The following LMNA variants were observed in gnomAD, a reference collection of about 807,000 sequenced individuals.
LMNA encodes lamin A/C.
In LMNA, 20 loss-of-function variants were observed where a neutral mutation model predicts 70.4. That is an observed-to-expected ratio of 0.28 (90% confidence interval 0.20 to 0.41). The LOEUF (loss-of-function observed/expected upper bound fraction) is 0.41, where lower values mean the gene tolerates loss of function less well. Ranked by LOEUF, LMNA falls within the 10% of genes least tolerant of loss-of-function variation. LMNA has a pLI of 1.00. For synonymous variants in LMNA, 339 were observed against 372.8 expected (o/e 0.91, Z 1.04); for missense variants, 652 against 917.2 (o/e 0.71, Z 3.73).
At chr1:156,117,059 G>T in intron 1 of LMNA, among the ~76,000 whole-genome samples, 1 of 145,208 alleles carries the variant, frequency 6.9e-6, no homozygotes, top group African/African-American at 2.6e-5. Flanking sequence ...GATTATAAGT[G>T]TGTGCCACCA....
Position 156,138,578 on chromosome 1 carries a change from A to G in LMNA, c.1789A>G (p.Lys597Glu). Residue 597 changes from lysine to glutamate, a missense_variant, in exon 11 of 12, where the codon AAG (lysine) becomes GAG (glutamate). By Grantham distance (56) the Lys-to-Glu change is moderately conservative. This residue lies in a region of LMNA where 327 missense variants were observed against 387.6 expected (regional missense o/e 0.84). Transcript: ENST00000368300. This position sits in a 1 kb window ranked among gnomAD's most constrained non-coding sequence, Gnocchi z 5.5. ...LCGTCGQPADKASASGSGAQV... is the reference protein window; with the variant it reads ...LCGTCGQPADEASASGSGAQV... ...CGGGACCTGCGGGCAGCCTGCCGACAAGGCATCTGCCAGCGGCTCAGGAGC... is the reference window on the plus strand; with the variant it reads ...CGGGACCTGCGGGCAGCCTGCCGACGAGGCATCTGCCAGCGGCTCAGGAGC... 1.2e-6 allele frequency: 2 copies of G among 1,612,860 alleles called. No homozygotes were observed. Among genetic ancestry groups the G allele is most frequent in the Non-Finnish European group, 8.5e-7 (1 of 1,179,858 alleles).
chr1:156,134,656 G>A lies in LMNA; in HGVS notation c.639+128G>A, dbSNP rs1475098393. 5 of 1,534,826 alleles carry A rather than the reference G, an allele frequency of 3.3e-6. No individual in the cohort carries two copies. The highest frequency in any genetic ancestry group is 4.5e-6 in the Non-Finnish European group (5 of 1,112,964). On this transcript the variant is annotated intron_variant, in intron 3 of 11. Coordinates refer to ENST00000368300, the MANE Select transcript of LMNA (RefSeq NM_170707.4). The surrounding 1 kb of genome is among the most constrained non-coding windows in gnomAD (Gnocchi z 5.3). Reference sequence around the variant, plus strand: ...CCCTTGCCCTAGTGGACAGGGAGTTGGGGGTGGCCAGCACTCAGCTCCCAG... The same window carrying A: ...CCCTTGCCCTAGTGGACAGGGAGTTAGGGGTGGCCAGCACTCAGCTCCCAG...
intron 2 of LMNA, among the ~76,000 whole-genome samples, chr1:156,131,949 C>G (rs543359009): frequency 2.0e-5 from 3 of 152,208 alleles, no homozygotes; most frequent in Non-Finnish European, 4.4e-5. Context: ...GCGGGTGGAT[C>G]ATTTGAGGTC....
chr1:156,097,780 A>C (rs1558109005), intron 3 of LMNA, among the ~76,000 whole-genome samples: 1 of 152,230 alleles, frequency 6.6e-6, no homozygotes, highest in Non-Finnish European at 1.5e-5. Flanking sequence ...AAAGCTGGCC[A>C]ACTGCATGGC....
chr1:156,127,075 G>A, intron 1 of LMNA: 1 of 702,044 alleles, frequency 1.4e-6, no homozygotes, highest in Non-Finnish European at 2.3e-6. Context: ...CGTGTGCTCA[G>A]CTTTCCTGAT....
At chr1:156,109,145 C>A (rs1649446786) in intron 3 of LMNA, among the ~76,000 whole-genome samples, 1 of 152,056 alleles carries the variant, frequency 6.6e-6, no homozygotes, top group Admixed American at 6.5e-5. Context: ...ATGCAAGTAC[C>A]TAGTGCCTAA....
chr1:156,131,163 C>T (rs554948337), intron 2 of LMNA, among the ~76,000 whole-genome samples: 6 of 152,026 alleles, frequency 3.9e-5, no homozygotes, highest in East Asian at 3.9e-4. Flanking sequence ...CCCAACTACT[C>T]GGGAGGCTGA....
At chr1:156,132,888 G>A (rs575944834) in intron 2 of LMNA, among the ~76,000 whole-genome samples, 2 of 145,364 alleles carry the variant, frequency 1.4e-5, no homozygotes, top group African/African-American at 5.2e-5. Context: ...CACCCAGGCT[G>A]GAGTGCAATG....
intron 1 of LMNA, among the ~76,000 whole-genome samples, chr1:156,121,036 C>A (rs1380383466): frequency 6.7e-6 from 1 of 149,948 alleles, no homozygotes. Context: ...CCTCCACCAC[C>A]AAATCCATTC....
intron 3 of LMNA, among the ~76,000 whole-genome samples, chr1:156,101,825 A>G (rs1341748066): frequency 1.3e-5 from 2 of 152,152 alleles, no homozygotes; most frequent in East Asian, 1.9e-4. Context: ...ACAGATAACA[A>G]TTCTGGAGGT....
chr1:156,085,655 A>G (rs1648446531), intron 2 of LMNA, among the ~76,000 whole-genome samples: 1 of 152,248 alleles, frequency 6.6e-6, no homozygotes, highest in African/African-American at 2.4e-5. Flanking sequence ...TCATGGTGTC[A>G]GGAGGAAAGA....
rs267607682 is a variant in LMNA at position 156,139,133 on chromosome 1, G to A, written c.*27G>A. On this transcript the variant is annotated 3_prime_UTR_variant, in exon 12 of 12. Transcript: ENST00000368300. ...CTGGGACCTGCCAGGCAGGGGTGGG[G>A]GTGGAGGCTTCCTGCGTCCTCCTCA... The A allele has an allele frequency of 8.1e-6, 13 of 1,613,686 alleles. No homozygotes were observed. The highest frequency in any genetic ancestry group is 1.1e-5 in the Non-Finnish European group (13 of 1,179,944).
chr1:156,124,266 G>C (rs2993269), intron 1 of LMNA, among the ~76,000 whole-genome samples: 15,789 of 151,918 alleles, frequency 0.1, 1,500 homozygotes, highest in African/African-American at 0.25. Context: ...CCCTGGAACA[G>C]CTGCCCCCCT....
chr1:156,133,823 A>G (rs1474496394), intron 2 of LMNA, among the ~76,000 whole-genome samples: 1 of 152,090 alleles, frequency 6.6e-6, no homozygotes, highest in African/African-American at 2.4e-5. Flanking sequence ...CCTTGAAATC[A>G]TGACAGTAGC....
Position 156,114,942 on chromosome 1 carries a change from C to T in LMNA, c.24C>T (p.Arg8=). The change falls in exon 1 of 12, where the codon CGC becomes CGT. Residue 8 remains arginine, a synonymous_variant. Coordinates refer to ENST00000368300, the MANE Select transcript of LMNA (RefSeq NM_170707.4). METPSQR[R]ATRSGAQASS... ...CCATGGAGACCCCGTCCCAGCGGCG[C>T]GCCACCCGCAGCGGGGCGCAGGCCA... The T allele has an allele frequency of 6.4e-7, 1 of 1,566,846 alleles. No individual in the cohort carries two copies. The highest frequency in any genetic ancestry group is 8.7e-7 in the Non-Finnish European group (1 of 1,155,722).
At chr1:156,085,881 C>T (rs528535523) in intron 2 of LMNA, among the ~76,000 whole-genome samples, 6 of 152,152 alleles carry the variant, frequency 3.9e-5, no homozygotes, top group Non-Finnish European at 5.9e-5. Context: ...CATGGCAAAA[C>T]CCTGTCTCTA....
upstream of LMNA, chr1:156,114,553 GGT>G (rs1167027143): frequency 6.8e-6 from 2 of 291,994 alleles, no homozygotes; most frequent in Non-Finnish European, 1.3e-5. Context: ...CGCTGGAGAG[GGT>G]GGGGCCCGAC....
chr1:156,086,522 T>C (rs1648483537), intron 2 of LMNA, among the ~76,000 whole-genome samples: 1 of 152,162 alleles, frequency 6.6e-6, no homozygotes, highest in Admixed American at 6.5e-5. Flanking sequence ...CAAGCCAGGC[T>C]GCAGGGCAGG....
At chr1:156,126,657 T>G in intron 1 of LMNA, 1 of 1,357,594 alleles carries the variant, frequency 7.4e-7, no homozygotes, top group African/African-American at 1.4e-5. Flanking sequence ...CATTTGCAAG[T>G]GCCAACTCTC....
Sources: allele counts gnomAD v4.1 joint callset (sites outside exome capture counted in the v4.1 genomes callset), GRCh38; gene constraint gnomAD v4.1.1; regional missense constraint gnomAD v4.1.1; non-coding constraint Gnocchi (gnomAD v3.1); transcripts MANE v1.5; gene names NCBI Gene and HGNC (gene_info 2026-07-23, HGNC 2026-07-21).